The following ARHGEF11 variants were observed in gnomAD, a reference collection of about 807,000 sequenced individuals.
ARHGEF11 encodes the protein Rho guanine nucleotide exchange factor 11, also known as Rho guanine exchange factor (GEF) 11.
Under a neutral mutation model 193.7 loss-of-function variants are expected in ARHGEF11, and 55 were observed. The ratio of observed to expected loss-of-function variants is 0.28; its 90% confidence interval spans 0.23 to 0.36. The LOEUF is 0.36. ARHGEF11 is among the 10% of genes least tolerant of loss of function. ARHGEF11 has a pLI of 1.00. For synonymous variants in ARHGEF11, 693 were observed against 768.0 expected (o/e 0.90, Z 1.62); for missense variants, 1,723 against 2,005.6 (o/e 0.86, Z 2.69).
intron 1 of ARHGEF11, among the ~76,000 whole-genome samples, chr1:156,990,203 G>T (rs1363072400): frequency 1.3e-5 from 2 of 152,204 alleles, no homozygotes; most frequent in African/African-American, 4.8e-5. Context: ...ATTTTGCAGA[G>T]TCTAGGCCAG....
At position 157,001,559 on chromosome 1, in the gene ARHGEF11, C is replaced by T. The variant is rs572307077; in HGVS notation, c.33-15386G>A. 4.6e-5 allele frequency among the ~76,000 whole-genome samples: 7 copies of T among 152,298 alleles called. No individual in the cohort carries two copies. The East Asian group carries it at 7.7e-4, about 17-fold the overall frequency. On this transcript the variant is annotated intron_variant, in intron 1 of 40. Coordinates refer to ENST00000368194, the MANE Select transcript of ARHGEF11 (RefSeq NM_198236.3). ...AAGCAACAAACTCAACATGTAGCTG[C>T]CTGATAGGAGGTGCAATAGGCAGGC...
chr1:157,038,004 C>T (rs1273620454), intron 1 of ARHGEF11, among the ~76,000 whole-genome samples: 1 of 136,222 alleles, frequency 7.3e-6, no homozygotes, highest in African/African-American at 2.9e-5. Context: ...TGCACTCCAG[C>T]CTGGGTGACA....
chr1:156,958,818 G>A lies in ARHGEF11; in HGVS notation c.1426C>T (p.Leu476=). Reference sequence around the variant, plus strand: ...AGAGGGTCCCCATCCAGGTCCAGCAGGTCATTTTCACCATACAGGCTGCCC... The same window carrying A: ...AGAGGGTCCCCATCCAGGTCCAGCAAGTCATTTTCACCATACAGGCTGCCC... ...GLGSLYGEND[L]LDLDGDPLRE... Residue 476 remains leucine, a synonymous_variant, in exon 17 of 41, where the codon CTG becomes TTG. Coordinates refer to ENST00000368194, the MANE Select transcript of ARHGEF11 (RefSeq NM_198236.3). 2 of 1,614,210 alleles carry A rather than the reference G, an allele frequency of 1.2e-6. No homozygotes were observed. Among genetic ancestry groups the A allele is most frequent in the Non-Finnish European group, 1.7e-6 (2 of 1,180,042 alleles).
intron 1 of ARHGEF11, among the ~76,000 whole-genome samples, chr1:156,998,209 C>T (rs1055549328): frequency 1.3e-5 from 2 of 152,210 alleles, no homozygotes; most frequent in African/African-American, 4.8e-5. Context: ...ATCTTCACCC[C>T]TTAGTAGAAC....
intron 1 of ARHGEF11, among the ~76,000 whole-genome samples, chr1:156,998,455 C>T (rs1465744282): frequency 6.6e-6 from 1 of 152,190 alleles, no homozygotes; most frequent in Non-Finnish European, 1.5e-5. Flanking sequence ...CTGCCTCTGG[C>T]CATCTATGGG....
chr1:156,957,513 G>A (rs1660133599), intron 18 of ARHGEF11, among the ~76,000 whole-genome samples: 3 of 152,164 alleles, frequency 2.0e-5, no homozygotes, highest in Non-Finnish European at 2.9e-5. Flanking sequence ...CTGCCACCAG[G>A]TATGGGACTG....
At chr1:157,008,220 CTT>C (rs1244770178) in intron 1 of ARHGEF11, among the ~76,000 whole-genome samples, 1 of 152,104 alleles carries the variant, frequency 6.6e-6, no homozygotes, top group Non-Finnish European at 1.5e-5. Flanking sequence ...GGACTACAGC[CTT>C]TGTTATGGAC....
In ARHGEF11 at chr1:156,957,924, G is replaced by A. The variant is rs1279522467; in HGVS notation, c.1503-109C>T. 5.0e-6 allele frequency: 5 copies of A among 1,007,318 alleles called. No homozygotes were observed. The African/African-American group carries it at 7.9e-5, about 16-fold the overall frequency. The allele number at this position is 1,007,318 out of a possible 1,614,324, so 62.4% of individuals were successfully genotyped here. A position where few individuals can be genotyped will look rare whatever the true frequency, so the allele number is the denominator to read the frequency against. Reference sequence around the variant, plus strand: ...TTTCCTAGATGAAAGGAGGGTTAGTGGGGGAAAAGGAGAGAAGTACGTCTG... The same window carrying A: ...TTTCCTAGATGAAAGGAGGGTTAGTAGGGGAAAAGGAGAGAAGTACGTCTG... On this transcript the variant is annotated intron_variant, in intron 17 of 40. Coordinates refer to ENST00000368194, the MANE Select transcript of ARHGEF11 (RefSeq NM_198236.3).
intron 1 of ARHGEF11, among the ~76,000 whole-genome samples, chr1:157,013,160 C>A (rs1668748615): frequency 6.6e-6 from 1 of 151,836 alleles, no homozygotes; most frequent in African/African-American, 2.4e-5. Flanking sequence ...GCCACTATTG[C>A]TCTATTGTAT....
At chr1:157,028,013 A>C (rs190560360) in intron 1 of ARHGEF11, among the ~76,000 whole-genome samples, 8 of 152,312 alleles carry the variant, frequency 5.3e-5, no homozygotes, top group Non-Finnish European at 8.8e-5. Context: ...AGAGTGAAGA[A>C]GTCTCTGGAA....
At chr1:156,941,831 A>G (rs1657033962) in intron 34 of ARHGEF11, 33 bp downstream of exon 34, 1 of 1,571,696 alleles carries the variant, frequency 6.4e-7, no homozygotes, top group South Asian at 1.2e-5. Context: ...TGGAGTGGAG[A>G]GAGTGCAGGG....
At chr1:157,014,643 C>A (rs1026865673) in intron 1 of ARHGEF11, among the ~76,000 whole-genome samples, 1 of 152,178 alleles carries the variant, frequency 6.6e-6, no homozygotes, top group African/African-American at 2.4e-5. Flanking sequence ...TCGACTGTCT[C>A]CAGTTTCTCA....
chr1:156,948,991 G>A lies in ARHGEF11; in HGVS notation c.1926-493C>T. 2 of 985,456 alleles carry A rather than the reference G, an allele frequency of 2.0e-6. No individual in the cohort carries two copies. The highest frequency in any genetic ancestry group is 4.7e-5 in the South Asian group (1 of 21,288). The allele number at this position is 985,456 out of a possible 1,614,324, so 61.0% of individuals were successfully genotyped here. ...GCGAACCTCTTTTAAGAGGTCTTAAGAGGAAAGTGGAGTCACTATATTCAC... is the reference window on the plus strand; with the variant it reads ...GCGAACCTCTTTTAAGAGGTCTTAAAAGGAAAGTGGAGTCACTATATTCAC... On this transcript the variant is annotated intron_variant, in intron 22 of 40. Transcript: ENST00000368194. The surrounding 1 kb of genome is among the most constrained non-coding windows in gnomAD (Gnocchi z 4.2).
In ARHGEF11 at chr1:156,963,323, A is replaced by G; in HGVS notation, c.1039-19T>C. 6.2e-7 allele frequency: 1 copy of G among 1,608,208 alleles called. No individual in the cohort carries two copies. The highest frequency in any genetic ancestry group is 1.1e-5 in the South Asian group (1 of 90,774). On this transcript the variant is annotated intron_variant, in intron 12 of 40. Coordinates refer to ENST00000368194, the MANE Select transcript of ARHGEF11 (RefSeq NM_198236.3). ...TGTCGCTCTGGAAGGCAGAAGGATG[A>G]GCATGGTGGGAAGCCGGGCACAGCA...
At chr1:156,969,408 A>T in intron 9 of ARHGEF11, 50 bp from the exon 10 acceptor site, 1 of 1,535,634 alleles carries the variant, frequency 6.5e-7, no homozygotes, top group Non-Finnish European at 8.9e-7. Context: ...GGCCTAGGGG[A>T]AAGAGAGCCT....
At chr1:157,014,893 C>G (rs931802009) in intron 1 of ARHGEF11, among the ~76,000 whole-genome samples, 3 of 152,136 alleles carry the variant, frequency 2.0e-5, no homozygotes, top group African/African-American at 7.2e-5. Context: ...TCCTTTTAAC[C>G]AACTTTTGTA....
rs774352167 is a variant in ARHGEF11 at position 156,936,974 on chromosome 1, T to C, written c.4472A>G (p.Lys1491Arg). ...ACCAGATGACTCTCCCCCAAGGGAC[T>C]TGAGCAGCTCTCTGTGGGCCAGCTC... ...DMELAHRELL[K>R]SLGGESSGGT... The change falls in exon 40 of 41, where the codon AAG becomes AGG. Residue 1491 changes from lysine to arginine, a missense_variant. Around this residue, in one of 5 missense-constraint regions of ARHGEF11, gnomAD observed 360 missense variants for 344.4 expected, o/e 1.05. Transcript: ENST00000368194. 3 of 1,614,108 alleles carry C rather than the reference T, an allele frequency of 1.9e-6. No individual in the cohort carries two copies. The highest frequency in any genetic ancestry group is 1.6e-4 in the Middle Eastern group (1 of 6,062).
chr1:157,018,429 G>A (rs1254563822), intron 1 of ARHGEF11, among the ~76,000 whole-genome samples: 1 of 152,082 alleles, frequency 6.6e-6, no homozygotes, highest in African/African-American at 2.4e-5. Flanking sequence ...GGATCATGCG[G>A]TCAGGAGATT....
chr1:156,946,790 G>C lies in ARHGEF11; in HGVS notation c.2569-3C>G. 1 of 1,614,208 alleles carries C rather than the reference G, an allele frequency of 6.2e-7. No homozygotes were observed. The highest frequency in any genetic ancestry group is 8.5e-7 in the Non-Finnish European group (1 of 1,180,042). On this transcript the variant is annotated splice_region_variant and splice_polypyrimidine_tract_variant and intron_variant, in intron 27 of 40. Transcript: ENST00000368194. ...TCCTCTCGGGCAGGGCCATCAAACT[G>C]AAGAGGCAGAATGGACACGGGGCCA...
Sources: allele counts gnomAD v4.1 joint callset (sites outside exome capture counted in the v4.1 genomes callset), GRCh38; gene constraint gnomAD v4.1.1; regional missense constraint gnomAD v4.1.1; non-coding constraint Gnocchi (gnomAD v3.1); transcripts MANE v1.5; gene names NCBI Gene and HGNC (gene_info 2026-07-23, HGNC 2026-07-21).